DSC1: variants seen among roughly 807,000 people sequenced by gnomAD.
The protein encoded by DSC1 is desmocollin 1.
DSC1 carries 79 observed loss-of-function variants against 98.8 expected under a neutral mutation model. That is an observed-to-expected ratio of 0.80 (90% CI 0.67 to 0.96). The LOEUF (loss-of-function observed/expected upper bound fraction) is 0.96, where lower values mean the gene tolerates loss of function less well. Among genes scored for constraint, DSC1 ranks in the 50% least tolerant of loss-of-function variants. The pLI is 0.00. For synonymous variants in DSC1, 405 were observed against 372.1 expected, an observed-to-expected ratio of 1.09 and a Z score of -1.02; for missense variants, 1,115 against 1,075.9, an observed-to-expected ratio of 1.04 and a Z score of -0.51.
At chr18:31,134,509 G>A in intron 12 of DSC1, 63 bp downstream of exon 12, 2 of 1,268,354 alleles carry the variant, frequency 1.6e-6, no homozygotes, top group South Asian at 1.5e-5. Context: ...GATAAACTAA[G>A]GTGAAAGAAC....
rs370506551 is a variant in DSC1 at position 31,136,127 on chromosome 18, T to C, written c.1664-1343A>G. On this transcript the variant is annotated intron_variant, in intron 11 of 15. Transcript: ENST00000257198. The stretch of plus-strand genomic sequence containing the variant: ...AATATCCAGAAATAAAAGAGAGATA[T>C]AGCTATTTGTTGAAGAAATTTGCAA... Among the ~76,000 whole-genome samples the C allele has an allele frequency of 2.6e-3, 402 of 152,082 alleles. 3 individuals are homozygous for C. Among genetic ancestry groups the C allele is most frequent in the African/African-American group, 9.2e-3 (384 of 41,560 alleles).
chr18:31,144,328 G>T (rs1456992441), intron 7 of DSC1, among the ~76,000 whole-genome samples: 2 of 152,128 alleles, frequency 1.3e-5, no homozygotes, highest in Non-Finnish European at 1.5e-5. Flanking sequence ...ATTTAAAGCT[G>T]CTTTATTTAT....
At chr18:31,136,367 C>T (rs956293082) in intron 11 of DSC1, among the ~76,000 whole-genome samples, 1 of 151,972 alleles carries the variant, frequency 6.6e-6, no homozygotes, top group East Asian at 1.9e-4. Flanking sequence ...ATAGAAAAAT[C>T]GTAAGAAAAC....
At chr18:31,132,714 A>G in intron 13 of DSC1, 25 bp from the exon 14 acceptor site, 1 of 1,599,880 alleles carries the variant, frequency 6.3e-7, no homozygotes, top group Non-Finnish European at 8.5e-7. Flanking sequence ...AGATCAAAGT[A>G]AAACACAGAC....
rs1359567202 is a variant in DSC1 at position 31,141,983 on chromosome 18, T to G, written c.1260+16A>C. The G allele has an allele frequency of 6.3e-7, 1 of 1,589,772 alleles. No individual in the cohort carries two copies. The highest frequency in any genetic ancestry group is 1.2e-5 in the South Asian group (1 of 86,872). On this transcript the variant is annotated intron_variant, in intron 9 of 15. Transcript: ENST00000257198. ...AGGATATTTTAAAGCATAGCCTGAT[T>G]ATTTTATTTGTTTACCTTGACAACA...
chr18:31,150,390 C>G (rs58856751), intron 5 of DSC1, among the ~76,000 whole-genome samples: 11 of 3,006 alleles, frequency 3.7e-3, no homozygotes, highest in Non-Finnish European at 6.9e-3. Context: ...ACCACCATCA[C>G]CACCATTATC....
chr18:31,153,831 T>A (rs890658598), intron 5 of DSC1, among the ~76,000 whole-genome samples: 11 of 152,078 alleles, frequency 7.2e-5, no homozygotes, highest in African/African-American at 2.7e-4. Context: ...GTCTACCACT[T>A]CCCATCCCCA....
Position 31,130,902 on chromosome 18 carries a change from ATAAATGCTTCTAGTGAGCACATT to A in DSC1, c.2488-214_2488-192del, listed in dbSNP as rs1214894337. ...GTCACTCTTAAAATATAGCAAATAA[ATAAATGCTTCTAGTGAGCACATT>A]TAAAAAATTAAGACTACGCATATAT... On this transcript the variant is annotated intron_variant, in intron 15 of 15. Coordinates refer to ENST00000257198, the MANE Select transcript of DSC1 (RefSeq NM_024421.2). 1.4e-5 allele frequency: 20 copies of A among 1,457,936 alleles called. No homozygotes were observed. In the East Asian group the frequency reaches 4.1e-4, roughly 30 times the overall value. The allele number at this position is 1,457,936 out of a possible 1,614,324, so 90.3% of individuals were successfully genotyped here. A position where few individuals can be genotyped will look rare whatever the true frequency, so the allele number is the denominator to read the frequency against.
Position 31,139,728 on chromosome 18 carries a change from C to A in DSC1, c.1663+20G>T. 6.5e-7 allele frequency: 1 copy of A among 1,549,510 alleles called. No individual in the cohort carries two copies. The highest frequency in any genetic ancestry group is 1.4e-5 in the African/African-American group (1 of 72,254). Reference sequence around the variant, plus strand: ...AACATGTCATATATTTATATTTTATCTGTAGAAAATGGCACTCACCTGCAT... The same window carrying A: ...AACATGTCATATATTTATATTTTATATGTAGAAAATGGCACTCACCTGCAT... On this transcript the variant is annotated intron_variant, in intron 11 of 15. Transcript: ENST00000257198.
Position 31,162,707 on chromosome 18 carries a change from A to C in DSC1, c.-113T>G. Reference sequence around the variant, plus strand: ...CACAGGGTATTCTGCTGCCACCTTGATGCAGCTGAGCTTGGTTTGGAAGAC... The same window carrying C: ...CACAGGGTATTCTGCTGCCACCTTGCTGCAGCTGAGCTTGGTTTGGAAGAC... On this transcript the variant is annotated 5_prime_UTR_variant, in exon 1 of 16. Coordinates refer to ENST00000257198, the MANE Select transcript of DSC1 (RefSeq NM_024421.2). 1 of 873,292 alleles carries C rather than the reference A, an allele frequency of 1.1e-6. No individual in the cohort carries two copies. Among genetic ancestry groups the C allele is most frequent in the Non-Finnish European group, 1.9e-6 (1 of 535,062 alleles). 54.1% of individuals were successfully genotyped at this position (873,292 alleles called of 1,614,324 possible). A position where few individuals can be genotyped will look rare whatever the true frequency, so the allele number is the denominator to read the frequency against.
intron 11 of DSC1, among the ~76,000 whole-genome samples, chr18:31,138,367 C>T (rs1988656240): frequency 6.6e-6 from 1 of 152,048 alleles, no homozygotes. Flanking sequence ...AATATTCATA[C>T]ATTCTTTTTG....
intron 6 of DSC1, among the ~76,000 whole-genome samples, 186 bp from the exon 7 acceptor site, chr18:31,145,963 G>C (rs1988837435): frequency 3.3e-5 from 5 of 152,190 alleles, no homozygotes; most frequent in Admixed American, 3.3e-4. Flanking sequence ...GGGAACTTCA[G>C]TTAGGTGGCC....
At chr18:31,158,880 G>A (rs938244439) in intron 2 of DSC1, among the ~76,000 whole-genome samples, 1 of 151,820 alleles carries the variant, frequency 6.6e-6, no homozygotes, top group Non-Finnish European at 1.5e-5. Flanking sequence ...GCCTTGCTTT[G>A]TTTGACGTAA....
chr18:31,144,936 C>CTTT lies in DSC1; in HGVS notation c.939+672_939+674dup, dbSNP rs200787420. On this transcript the variant is annotated intron_variant, in intron 7 of 15. Coordinates refer to ENST00000257198, the MANE Select transcript of DSC1 (RefSeq NM_024421.2). ...TGGGAACCGTCTGTATTTTCTTTTT[C>CTTT]TTTCTTTTTTTTTTTTTTTTTGAGA... Among the ~76,000 whole-genome samples, 97 of 95,256 alleles carry CTTT rather than the reference C, an allele frequency of 1.0e-3. 6 individuals are homozygous for CTTT. Among genetic ancestry groups the CTTT allele is most frequent in the African/African-American group, 2.7e-3 (52 of 19,486 alleles). 62.5% of individuals were successfully genotyped at this position (95,256 alleles called of 152,430 possible).
intron 13 of DSC1, among the ~76,000 whole-genome samples, chr18:31,133,534 A>C (rs769300563): frequency 6.6e-6 from 1 of 152,148 alleles, no homozygotes; most frequent in African/African-American, 2.4e-5. Context: ...TATTCCCTAC[A>C]TAAACATGGC....
intron 5 of DSC1, among the ~76,000 whole-genome samples, chr18:31,152,440 T>A (rs924233476): frequency 5.3e-5 from 8 of 152,184 alleles, no homozygotes; most frequent in Non-Finnish European, 1.0e-4. Context: ...ATAAAAATAA[T>A]CTATTATTAA....
chr18:31,130,725 G>A lies in DSC1; in HGVS notation c.2488-14C>T. 2 of 1,612,900 alleles carry A rather than the reference G, an allele frequency of 1.2e-6. No homozygotes were observed. The highest frequency in any genetic ancestry group is 1.7e-6 in the Non-Finnish European group (2 of 1,179,666). ...CAAATACACCTTCTGTATCAAAAAAGAGCACATTTTATTATTTTTTAAAAA... is the reference window on the plus strand; with the variant it reads ...CAAATACACCTTCTGTATCAAAAAAAAGCACATTTTATTATTTTTTAAAAA... On this transcript the variant is annotated splice_polypyrimidine_tract_variant and intron_variant, in intron 15 of 15. Coordinates refer to ENST00000257198, the MANE Select transcript of DSC1 (RefSeq NM_024421.2).
At chr18:31,136,787 G>C (rs1055398608) in intron 11 of DSC1, among the ~76,000 whole-genome samples, 1 of 152,148 alleles carries the variant, frequency 6.6e-6, no homozygotes, top group Non-Finnish European at 1.5e-5. Flanking sequence ...CTGCCTGCAG[G>C]CCACAGGTTG....
chr18:31,157,304 A>G, intron 3 of DSC1, 67 bp downstream of exon 3: 8 of 1,494,656 alleles, frequency 5.4e-6, no homozygotes, highest in Non-Finnish European at 7.3e-6. Flanking sequence ...ACGTTAAAAC[A>G]CATGAAACAC....
Sources: allele counts gnomAD v4.1 joint callset (sites outside exome capture counted in the v4.1 genomes callset), GRCh38; gene constraint gnomAD v4.1.1; transcripts MANE v1.5; gene names NCBI Gene and HGNC (gene_info 2026-07-23, HGNC 2026-07-21).